The following HBS1L variants were observed in gnomAD, a reference collection of about 807,000 sequenced individuals.
HBS1L encodes the protein HBS1 like translational GTPase, also known as HBS1-like protein.
HBS1L carries 55 observed loss-of-function variants against 88.9 expected under a neutral mutation model. That is an observed-to-expected ratio of 0.62 (90% CI 0.50 to 0.77). The LOEUF (loss-of-function observed/expected upper bound fraction) is 0.77, where lower values mean the gene tolerates loss of function less well. Ranked by LOEUF, HBS1L falls within the 30% of genes least tolerant of loss-of-function variation. The pLI is 0.00. For missense variants in HBS1L, 741 were observed against 829.3 expected, an observed-to-expected ratio of 0.89 and a Z score of 1.31; for synonymous variants, 267 against 288.5, an observed-to-expected ratio of 0.93 and a Z score of 0.76.
rs1776670295 is a variant in HBS1L at position 135,039,738 on chromosome 6, T to C, written c.265A>G (p.Arg89Gly). 6.2e-7 allele frequency: 1 copy of C among 1,613,680 alleles called. No individual in the cohort carries two copies. Among genetic ancestry groups the C allele is most frequent in the Non-Finnish European group, 8.5e-7 (1 of 1,179,960 alleles). Residue 89 changes from arginine (R) to glycine (G), a missense_variant, in exon 4 of 18, where the codon AGA (arginine) becomes GGA (glycine). By Grantham distance (125) the Arg-to-Gly change is moderately radical (BLOSUM62 -2). This residue lies in a region of HBS1L where 556 missense variants were observed against 598.4 expected (regional missense o/e 0.93). Transcript: ENST00000367837. Reference protein sequence around the residue: ...ARLYSCLDHMREVLGDAVPDE... With the variant: ...ARLYSCLDHMGEVLGDAVPDE... ...GGCACAGCATCTCCAAGTACCTCTC[T>C]CATGTGATCAAGGCATGAATAAAGA...
rs148394396 is a variant in HBS1L, at chr6:135,022,389, A to T, written c.430+17184T>A. ...TATTTAACATTCATGTAATTCATAGATGGTATCAGCTGTTCATGAAGATAC... is the reference window on the plus strand; with the variant it reads ...TATTTAACATTCATGTAATTCATAGTTGGTATCAGCTGTTCATGAAGATAC... On this transcript the variant is annotated intron_variant, in intron 4 of 17. Coordinates refer to ENST00000367837, the MANE Select transcript of HBS1L (RefSeq NM_006620.4). Among the ~76,000 whole-genome samples, 759 of 152,232 alleles carry T rather than the reference A, an allele frequency of 5.0e-3. 5 individuals are homozygous for T. The highest frequency in any genetic ancestry group is 0.044 in the Middle Eastern group (13 of 294).
chr6:134,971,157 T>C (rs1187705647), intron 15 of HBS1L, among the ~76,000 whole-genome samples: 1 of 144,634 alleles, frequency 6.9e-6, no homozygotes, highest in African/African-American at 2.6e-5. Context: ...AAGACAAAAG[T>C]GGTATTATTT....
At chr6:135,002,707 G>A (rs1275356167) in intron 5 of HBS1L, 27 bp downstream of exon 5, 2 of 1,214,178 alleles carry the variant, frequency 1.6e-6, no homozygotes, top group Admixed American at 1.8e-5. Context: ...GTGGGGGTGG[G>A]GATGAGGGAG....
Position 135,021,109 on chromosome 6 carries a change from C to T in HBS1L, c.431-18267G>A, listed in dbSNP as rs565783157. The stretch of plus-strand genomic sequence containing the variant: ...GGGAAGATGTTTACACATTCTGGAG[C>T]TTCAGATCCTCCAACTATAAAACTA... On this transcript the variant is annotated intron_variant, in intron 4 of 17. Coordinates refer to ENST00000367837, the MANE Select transcript of HBS1L (RefSeq NM_006620.4). 5.4e-4 allele frequency among the ~76,000 whole-genome samples: 82 copies of T among 152,112 alleles called. 3 individuals are homozygous for T. In the South Asian group the frequency reaches 0.017, roughly 31 times the overall value.
At chr6:134,974,767 A>G (rs974718731) in intron 15 of HBS1L, among the ~76,000 whole-genome samples, 85 of 152,200 alleles carry the variant, frequency 5.6e-4, no homozygotes, top group Admixed American at 2.0e-4. Context: ...ACCTCAAAAT[A>G]ATAAAAGCCA....
At chr6:134,987,537 T>G (rs1775013137) in intron 9 of HBS1L, 108 bp downstream of exon 9, 4 of 721,562 alleles carry the variant, frequency 5.5e-6, no homozygotes, top group Non-Finnish European at 8.2e-6. Flanking sequence ...TTTAAAAACA[T>G]GGCAACCGAC....
chr6:135,024,678 T>A (rs577763602), intron 4 of HBS1L, among the ~76,000 whole-genome samples: 132 of 151,744 alleles, frequency 8.7e-4, no homozygotes, highest in South Asian at 2.7e-3. Context: ...TATAACATAA[T>A]TATAAAATAA....
At chr6:135,053,027 A>G (rs372682788) in intron 1 of HBS1L, among the ~76,000 whole-genome samples, 1 of 152,340 alleles carries the variant, frequency 6.6e-6, no homozygotes, top group Non-Finnish European at 1.5e-5. Flanking sequence ...TTTATAAACA[A>G]GAAAAGGGGA....
chr6:134,969,725 C>T (rs1482557964), intron 15 of HBS1L, among the ~76,000 whole-genome samples: 2 of 151,776 alleles, frequency 1.3e-5, no homozygotes, highest in Admixed American at 6.6e-5. Context: ...AGGGAAAGAA[C>T]CTGGGATTGA....
chr6:134,976,379 C>T (rs1316604404), intron 15 of HBS1L, among the ~76,000 whole-genome samples: 1 of 152,106 alleles, frequency 6.6e-6, no homozygotes, highest in Non-Finnish European at 1.5e-5. Flanking sequence ...AGTAGATCTA[C>T]CAGTTGATCC....
chr6:134,979,837 G>C (rs987840253), intron 13 of HBS1L, among the ~76,000 whole-genome samples: 3 of 152,010 alleles, frequency 2.0e-5, no homozygotes, highest in Non-Finnish European at 1.5e-5. Context: ...TTTCCAGAGA[G>C]AGATCTGCAT....
At chr6:135,012,146 A>G (rs1300520027) in intron 4 of HBS1L, among the ~76,000 whole-genome samples, 2 of 152,202 alleles carry the variant, frequency 1.3e-5, no homozygotes, top group Non-Finnish European at 1.5e-5. Context: ...ACCATATGTA[A>G]TGACAAAAAA....
rs184789773 is a variant in HBS1L at position 134,996,767 on chromosome 6, T to C, written c.965+10A>G. 3.3e-4 allele frequency: 521 copies of C among 1,570,588 alleles called. 1 individual carries two copies. The highest frequency in any genetic ancestry group is 3.2e-3 in the Middle Eastern group (19 of 5,870). ...ATTTCAAACTGAAAATTTTGAAATA[T>C]AGTGACTACCTTTCCCTTTCTTCGC... On this transcript the variant is annotated intron_variant, in intron 7 of 17. Transcript: ENST00000367837.
In HBS1L at chr6:134,992,646, A is replaced by C. The variant is rs1427685102; in HGVS notation, c.1083+1112T>G. 1.3e-5 allele frequency among the ~76,000 whole-genome samples: 2 copies of C among 152,210 alleles called. 1 individual carries two copies. The highest frequency in any genetic ancestry group is 2.9e-5 in the Non-Finnish European group (2 of 68,040). ...TATTAAAAAAAGCTTATGGAATAAGACTATACAGAAAGAAAATATTTTCGT... is the reference window on the plus strand; with the variant it reads ...TATTAAAAAAAGCTTATGGAATAAGCCTATACAGAAAGAAAATATTTTCGT... On this transcript the variant is annotated intron_variant, in intron 8 of 17. Coordinates refer to ENST00000367837, the MANE Select transcript of HBS1L (RefSeq NM_006620.4).
chr6:135,001,303 T>C (rs561033387), intron 5 of HBS1L, among the ~76,000 whole-genome samples: 1 of 152,298 alleles, frequency 6.6e-6, no homozygotes, highest in Non-Finnish European at 1.5e-5. Context: ...ATGCACATTA[T>C]TTATTGATAC....
At chr6:135,011,905 TAAAAA>T (rs10605981) in intron 4 of HBS1L, among the ~76,000 whole-genome samples, 1 of 112,554 alleles carries the variant, frequency 8.9e-6, no homozygotes. Context: ...AAACTTGTCT[TAAAAA>T]AAAAAAAAAA....
At chr6:135,009,938 C>G (rs1405689271) in intron 4 of HBS1L, among the ~76,000 whole-genome samples, 1 of 151,910 alleles carries the variant, frequency 6.6e-6, no homozygotes, top group Non-Finnish European at 1.5e-5. Flanking sequence ...CCTAAATATT[C>G]TTTGGAAGGA....
At chr6:134,966,521 A>T in intron 16 of HBS1L, 48 bp from the exon 17 acceptor site, 2 of 1,231,108 alleles carry the variant, frequency 1.6e-6, no homozygotes, top group Non-Finnish European at 2.2e-6. Context: ...GAGGTGAATA[A>T]ATGTAATAAT....
intron 2 of HBS1L, among the ~76,000 whole-genome samples, chr6:135,047,901 G>A (rs781358333): frequency 3.3e-5 from 5 of 152,146 alleles, no homozygotes; most frequent in Non-Finnish European, 5.9e-5. Context: ...GCCCCAAAGG[G>A]CAAATGCCTA....
Sources: allele counts gnomAD v4.1 joint callset (sites outside exome capture counted in the v4.1 genomes callset), GRCh38; gene constraint gnomAD v4.1.1; regional missense constraint gnomAD v4.1.1; transcripts MANE v1.5; gene names NCBI Gene and HGNC (gene_info 2026-07-23, HGNC 2026-07-21).